Variants in TXNDC11 observed in about 807,000 individuals in gnomAD.
The protein encoded by TXNDC11 is thioredoxin domain containing 11, also known as thioredoxin domain-containing protein 11.
TXNDC11 carries 68 observed loss-of-function variants against 78.0 expected under a neutral mutation model. That is an observed-to-expected ratio of 0.87 (90% CI 0.72 to 1.07). The LOEUF is 1.07. Among genes scored for constraint, TXNDC11 ranks in the 50% least tolerant of loss-of-function variants. The probability of loss-of-function intolerance (pLI) is 0.00; values close to 1 mark genes in which losing one functional copy is unlikely to be tolerated. For missense variants in TXNDC11, 1,389 were observed against 1,221.8 expected (o/e 1.14, Z -2.04); for synonymous variants, 571 against 495.2 (o/e 1.15, Z -2.03).
chr16:11,742,270 C>G (rs887715753), intron 1 of TXNDC11: 1 of 459,064 alleles, frequency 2.2e-6, no homozygotes. Flanking sequence ...GGGCTCCACC[C>G]GGAAGCCTCG....
intron 5 of TXNDC11, among the ~76,000 whole-genome samples, chr16:11,717,972 A>G (rs989496963): frequency 6.6e-6 from 1 of 152,182 alleles, no homozygotes; most frequent in African/African-American, 2.4e-5. Context: ...AAACAACAAG[A>G]GAAGGCAGTT....
In TXNDC11 at chr16:11,679,116, A is replaced by G; in HGVS notation, c.*79T>C. On this transcript the variant is annotated 3_prime_UTR_variant, in exon 12 of 12. Coordinates refer to ENST00000283033, the MANE Select transcript of TXNDC11 (RefSeq NM_015914.7). This position sits in a 1 kb window ranked among gnomAD's most constrained non-coding sequence, Gnocchi z 4.6. ...ACCACTGAGAAAATCTTTATTTACA[A>G]TAAATTTCAATAAAATTTGCATAAA... is the stretch of plus-strand genomic sequence containing the variant. 1 of 1,433,490 alleles carries G rather than the reference A, an allele frequency of 7.0e-7. No homozygotes were observed. Among genetic ancestry groups the G allele is most frequent in the Non-Finnish European group, 9.5e-7 (1 of 1,054,284 alleles). The allele number at this position is 1,433,490 out of a possible 1,614,324, so 88.8% of individuals were successfully genotyped here.
intron 5 of TXNDC11, among the ~76,000 whole-genome samples, chr16:11,705,942 C>T (rs931786309): frequency 1.3e-5 from 2 of 152,120 alleles, no homozygotes; most frequent in Non-Finnish European, 2.9e-5. Flanking sequence ...CTTTCTACGA[C>T]AGAAGTCTTA....
At chr16:11,714,379 G>C (rs1298819050) in intron 5 of TXNDC11, among the ~76,000 whole-genome samples, 1 of 152,140 alleles carries the variant, frequency 6.6e-6, no homozygotes, top group Non-Finnish European at 1.5e-5. Flanking sequence ...GTTGGCTCAC[G>C]CCTGTAACTC....
chr16:11,724,716 C>T (rs2051821918), intron 4 of TXNDC11, among the ~76,000 whole-genome samples: 1 of 152,134 alleles, frequency 6.6e-6, no homozygotes, highest in Non-Finnish European at 1.5e-5. Flanking sequence ...AGAGGGATTC[C>T]ACAACTGGAG....
At chr16:11,696,581 T>C (rs1308838756) in intron 7 of TXNDC11, among the ~76,000 whole-genome samples, 1 of 152,162 alleles carries the variant, frequency 6.6e-6, no homozygotes, top group Non-Finnish European at 1.5e-5. Context: ...GCACTTTGCT[T>C]GTCTGAGTAA....
At chr16:11,716,464 C>T (rs2051529700) in intron 5 of TXNDC11, among the ~76,000 whole-genome samples, 1 of 152,178 alleles carries the variant, frequency 6.6e-6, no homozygotes, top group African/African-American at 2.4e-5. Flanking sequence ...GAGGAACAGG[C>T]TTTGCAGTCC....
intron 5 of TXNDC11, among the ~76,000 whole-genome samples, chr16:11,707,700 C>T (rs985231690): frequency 1.3e-5 from 2 of 151,992 alleles, no homozygotes; most frequent in Non-Finnish European, 2.9e-5. Context: ...CTGCCTGCCT[C>T]AGCCTCCCAA....
Position 11,688,302 on chromosome 16 carries a change from C to A in TXNDC11, c.2043+1G>T. Reference sequence around the variant, plus strand: ...AACTTTTGCCTCTCATGACTCCATACCTGTTTTTGAAGGACTACTTCCCAA... The same window carrying A: ...AACTTTTGCCTCTCATGACTCCATAACTGTTTTTGAAGGACTACTTCCCAA... On this transcript the variant is annotated splice_donor_variant, in intron 9 of 11. Transcript: ENST00000283033. LOFTEE classifies it high-confidence loss of function. 1.9e-6 allele frequency: 3 copies of A among 1,613,222 alleles called. No individual in the cohort carries two copies. The highest frequency in any genetic ancestry group is 2.5e-6 in the Non-Finnish European group (3 of 1,179,718).
At chr16:11,686,816 G>A (rs369542273) in intron 10 of TXNDC11, among the ~76,000 whole-genome samples, 1 of 152,196 alleles carries the variant, frequency 6.6e-6, no homozygotes, top group Non-Finnish European at 1.5e-5. Flanking sequence ...CGGGGAGGCT[G>A]GAGTATGAAT....
intron 10 of TXNDC11, among the ~76,000 whole-genome samples, chr16:11,686,185 T>C (rs1219121179): frequency 6.6e-6 from 1 of 152,242 alleles, no homozygotes; most frequent in Non-Finnish European, 1.5e-5. Context: ...CTCGAACTCC[T>C]GGCCTCAGGT....
chr16:11,693,456 G>T (rs956309074), intron 7 of TXNDC11, among the ~76,000 whole-genome samples: 3 of 151,808 alleles, frequency 2.0e-5, no homozygotes, highest in African/African-American at 4.8e-5. Flanking sequence ...ATTTTGTTTC[G>T]CTGTGTGTGT....
chr16:11,681,070 C>T (rs1327784113), intron 11 of TXNDC11, among the ~76,000 whole-genome samples: 1 of 151,838 alleles, frequency 6.6e-6, no homozygotes, highest in African/African-American at 2.4e-5. Context: ...TACTTAGGAG[C>T]CTGAGGTGGG....
intron 9 of TXNDC11, 114 bp from the exon 10 acceptor site, chr16:11,688,080 T>A (rs1344732052): frequency 6.2e-6 from 6 of 965,074 alleles, no homozygotes; most frequent in Non-Finnish European, 9.6e-6. Context: ...TATGCAAATA[T>A]TACAGTGAAA....
chr16:11,692,910 G>T (rs981832247), intron 7 of TXNDC11, among the ~76,000 whole-genome samples: 1 of 152,108 alleles, frequency 6.6e-6, no homozygotes, highest in African/African-American at 2.4e-5. Context: ...TGGGGACACC[G>T]GCTCCTCCAT....
At chr16:11,715,021 C>A (rs1173293614) in intron 5 of TXNDC11, among the ~76,000 whole-genome samples, 1 of 152,036 alleles carries the variant, frequency 6.6e-6, no homozygotes, top group Non-Finnish European at 1.5e-5. Flanking sequence ...GAGGCCAAAG[C>A]GGGAGGATTG....
At chr16:11,689,480 C>G (rs887967918) in intron 8 of TXNDC11, among the ~76,000 whole-genome samples, 2 of 152,182 alleles carry the variant, frequency 1.3e-5, no homozygotes, top group African/African-American at 4.8e-5. Context: ...CTAGAGACAG[C>G]TGATTTATGA....
In TXNDC11 at chr16:11,700,546, C is replaced by T. The variant is rs200372843; in HGVS notation, c.812G>A (p.Arg271Gln). The T allele has an allele frequency of 5.6e-6, 9 of 1,596,486 alleles. 1 individual carries two copies. In the East Asian group the frequency reaches 6.7e-5, roughly 12 times the overall value. ...ATGTTTATTTGTGATAACCCCAAAT[C>T]GTACTGTTCCTAGGTAATCTGAAAC... ...SLKKDYLGTV[R>Q]FGVITNKHLA... The change falls in exon 6 of 12, where the codon CGA becomes CAA. Residue 271 changes from arginine (R) to glutamine (Q), a missense_variant. Transcript: ENST00000283033.
Position 11,742,795 on chromosome 16 carries a change from C to T in TXNDC11, c.-65G>A. 1 of 1,390,978 alleles carries T rather than the reference C, an allele frequency of 7.2e-7. No homozygotes were observed. The highest frequency in any genetic ancestry group is 3.0e-5 in the Admixed American group (1 of 33,146). The allele number at this position is 1,390,978 out of a possible 1,614,324, so 86.2% of individuals were successfully genotyped here. ...CCTCGGGCCCGAAGGCCCGGCCCGG[C>T]CCGTTGCTCCCCAATCCCGCAGCTC... On this transcript the variant is annotated 5_prime_UTR_variant, in exon 1 of 12. Transcript: ENST00000283033.
Sources: gnomAD v4.1 joint callset for allele counts (sites outside exome capture counted in the v4.1 genomes callset) on GRCh38, gnomAD v4.1.1 for gene constraint, Gnocchi (gnomAD v3.1) non-coding constraint, MANE v1.5 for transcripts, NCBI Gene and HGNC (gene_info 2026-07-23, HGNC 2026-07-21) for gene names.